The following SMARCA2 variants were observed in gnomAD, a reference collection of about 807,000 sequenced individuals.
SMARCA2 encodes the protein SWI/SNF related BAF chromatin remodeling complex subunit ATPase 2, also known as SWI/SNF-related matrix-associated actin-dependent regulator of chromatin subfamily A member 2.
A neutral mutation model predicts 199.8 loss-of-function variants in SMARCA2; 61 were observed. The observed-to-expected ratio is 0.31, with a 90% confidence interval of 0.25 to 0.38. The LOEUF (loss-of-function observed/expected upper bound fraction) is 0.38, where lower values mean the gene tolerates loss of function less well. SMARCA2 is among the 10% of genes least tolerant of loss of function. The probability of loss-of-function intolerance (pLI) is 1.00; values close to 1 mark genes in which losing one functional copy is unlikely to be tolerated. For missense variants in SMARCA2, 1,344 were observed against 2,012.2 expected (o/e 0.67, Z 6.35); for synonymous variants, 935 against 732.0 (o/e 1.28, Z -4.48).
chr9:2,145,404 G>A (rs945015610), intron 27 of SMARCA2, among the ~76,000 whole-genome samples: 5 of 151,770 alleles, frequency 3.3e-5, no homozygotes. Context: ...GTAAATAAAA[G>A]AGTTTAGACA....
intron 27 of SMARCA2, among the ~76,000 whole-genome samples, chr9:2,155,328 G>C (rs1037667355): frequency 7.9e-5 from 12 of 151,994 alleles, no homozygotes; most frequent in Non-Finnish European, 1.3e-4. Flanking sequence ...TGTTGCCCAG[G>C]CTGGAGTGCA....
At chr9:2,152,144 G>A (rs573712272) in intron 27 of SMARCA2, among the ~76,000 whole-genome samples, 4 of 152,284 alleles carry the variant, frequency 2.6e-5, no homozygotes, top group Middle Eastern at 3.4e-3. Flanking sequence ...TGTAAATCAG[G>A]ATGCTTCCGT....
chr9:2,073,351 T>A lies in SMARCA2; in HGVS notation c.1877+9T>A, dbSNP rs760917036. The A allele has an allele frequency of 1.0e-4, 169 of 1,614,016 alleles. 1 individual carries two copies. The East Asian group carries it at 3.7e-3, about 35-fold the overall frequency. On this transcript the variant is annotated intron_variant, in intron 11 of 33. Coordinates refer to ENST00000349721, the MANE Select transcript of SMARCA2 (RefSeq NM_003070.5). The stretch of plus-strand genomic sequence containing the variant: ...CTGGAAATGAATCCTGGGTAAGGCA[T>A]GAAAGCAGCGTTCATGGTGTTCTTT...
chr9:2,107,245 C>G (rs996550556), intron 23 of SMARCA2, among the ~76,000 whole-genome samples: 3 of 152,156 alleles, frequency 2.0e-5, no homozygotes, highest in African/African-American at 7.2e-5. Context: ...AATGCCATAG[C>G]TTTGTATGAA....
chr9:2,058,455 G>T lies in SMARCA2; in HGVS notation c.1512G>T (p.Arg504=). The T allele has an allele frequency of 6.2e-7, 1 of 1,613,920 alleles. No individual in the cohort carries two copies. Among genetic ancestry groups the T allele is most frequent in the Non-Finnish European group, 8.5e-7 (1 of 1,179,928 alleles). Residue 504 remains arginine, a synonymous_variant, in exon 8 of 34, where the codon CGG becomes CGT. Transcript: ENST00000349721. The part of the protein sequence containing the change: ...ETERIEKERM[R]RLMAEDEEGY... ...AGCGGATTGAAAAGGAGAGAATGCG[G>T]CGACTGATGGTAAGGAACTCCCTGC... is the stretch of plus-strand genomic sequence containing the variant.
At chr9:2,143,771 C>T (rs749504834) in intron 27 of SMARCA2, among the ~76,000 whole-genome samples, 17 of 152,168 alleles carry the variant, frequency 1.1e-4, no homozygotes, top group Non-Finnish European at 1.9e-4. Context: ...AAGTGATAAA[C>T]TTGATTTGTG....
rs1173673998 is a variant in SMARCA2 at position 2,016,284 on chromosome 9, G to A, written c.-37+880G>A. Reference sequence around the variant, plus strand: ...GGGCGCTGCGGACGTCCCTGCCTCTGGTACCTGGCGGCAGCGCAGGCTCGG... The same window carrying A: ...GGGCGCTGCGGACGTCCCTGCCTCTAGTACCTGGCGGCAGCGCAGGCTCGG... On this transcript the variant is annotated intron_variant, in intron 1 of 33. Transcript: ENST00000349721. This position sits in a 1 kb window ranked among gnomAD's most constrained non-coding sequence, Gnocchi z 5.6. 1 of 152,432 alleles carries A rather than the reference G, an allele frequency of 6.6e-6. No homozygotes were observed. Among genetic ancestry groups the A allele is most frequent in the Non-Finnish European group, 1.5e-5 (1 of 68,230 alleles). 9.4% of individuals were successfully genotyped at this position (152,432 alleles called of 1,614,324 possible).
intron 31 of SMARCA2, among the ~76,000 whole-genome samples, chr9:2,184,657 C>G (rs76132769): frequency 0.027 from 4,180 of 152,078 alleles, 110 homozygotes; most frequent in African/African-American, 0.063. Context: ...TGGCCCAAGA[C>G]AATATCTTAA....
intron 5 of SMARCA2, among the ~76,000 whole-genome samples, chr9:2,051,787 C>G (rs896128020): frequency 2.0e-5 from 3 of 152,184 alleles, no homozygotes; most frequent in Non-Finnish European, 4.4e-5. Flanking sequence ...TTTGGTATGG[C>G]CTTAACCTGT....
At chr9:2,063,410 C>T (rs1420390896) in intron 9 of SMARCA2, among the ~76,000 whole-genome samples, 1 of 152,202 alleles carries the variant, frequency 6.6e-6, no homozygotes, top group East Asian at 1.9e-4. Context: ...CTTCTTCTAG[C>T]TTCTCTGTAG....
chr9:2,106,694 TTGA>T (rs1822769628), intron 23 of SMARCA2, among the ~76,000 whole-genome samples: 1 of 152,230 alleles, frequency 6.6e-6, no homozygotes, highest in South Asian at 2.1e-4. Flanking sequence ...AAAAAATCAC[TTGA>T]TGAGAGCTAA....
At chr9:2,087,897 G>A (rs1821869559) in intron 18 of SMARCA2, among the ~76,000 whole-genome samples, 1 of 152,146 alleles carries the variant, frequency 6.6e-6, no homozygotes, top group African/African-American at 2.4e-5. Context: ...GCCCCCTAGA[G>A]GTTAATAGGA....
chr9:2,112,951 C>A (rs763781134), intron 24 of SMARCA2, among the ~76,000 whole-genome samples: 58 of 152,174 alleles, frequency 3.8e-4, no homozygotes, highest in Non-Finnish European at 7.5e-4. Context: ...GAACACCCCA[C>A]CAGGATCATT....
At chr9:2,160,510 T>C (rs1211764095) in intron 27 of SMARCA2, 2 of 635,948 alleles carry the variant, frequency 3.1e-6, no homozygotes, top group Non-Finnish European at 5.8e-6. Flanking sequence ...CAGGAAGCGT[T>C]GTACATAAGT....
intron 9 of SMARCA2, among the ~76,000 whole-genome samples, chr9:2,067,727 T>C (rs1435025176): frequency 6.6e-6 from 1 of 152,232 alleles, no homozygotes; most frequent in Non-Finnish European, 1.5e-5. Context: ...GTTTGTCTAA[T>C]TGCAGAACCA....
chr9:2,049,084 C>A (rs1427867529), intron 5 of SMARCA2, among the ~76,000 whole-genome samples: 3 of 150,406 alleles, frequency 2.0e-5, no homozygotes, highest in Admixed American at 2.0e-4. Context: ...TTTTTTTTTT[C>A]CATTTGAATT....
At chr9:2,100,962 A>G (rs1386707852) in intron 21 of SMARCA2, among the ~76,000 whole-genome samples, 1 of 152,086 alleles carries the variant, frequency 6.6e-6, no homozygotes, top group Non-Finnish European at 1.5e-5. Flanking sequence ...ACAAGAGAGA[A>G]TGTGAGGCAA....
intron 27 of SMARCA2, among the ~76,000 whole-genome samples, chr9:2,130,945 G>A (rs1823921491): frequency 6.6e-6 from 1 of 152,174 alleles, no homozygotes; most frequent in Non-Finnish European, 1.5e-5. Context: ...TTGAGCCAGG[G>A]GCTGTGCAAA....
At chr9:2,048,350 A>G (rs1432213853) in intron 5 of SMARCA2, among the ~76,000 whole-genome samples, 1 of 152,212 alleles carries the variant, frequency 6.6e-6, no homozygotes, top group Non-Finnish European at 1.5e-5. Flanking sequence ...TGGCGAAGTT[A>G]TGTCTCTTTT....
Sources: allele counts gnomAD v4.1 joint callset (sites outside exome capture counted in the v4.1 genomes callset), GRCh38; gene constraint gnomAD v4.1.1; non-coding constraint Gnocchi (gnomAD v3.1); transcripts MANE v1.5; gene names NCBI Gene and HGNC (gene_info 2026-07-23, HGNC 2026-07-21).